The following TEKT5 variants were observed in gnomAD, a reference collection of about 807,000 sequenced individuals.
The protein encoded by TEKT5 is tektin 5, also known as tektin-5.
In TEKT5, 52 loss-of-function variants were observed where a neutral mutation model predicts 48.7. The ratio of observed to expected loss-of-function variants is 1.07; its 90% CI spans 0.86 to 1.35. The LOEUF (loss-of-function observed/expected upper bound fraction) is 1.35. Ranked by LOEUF, TEKT5 falls within the 40% of genes most tolerant of loss-of-function variation. TEKT5 has a pLI of 0.00. For synonymous variants in TEKT5, 318 were observed against 267.6 expected (o/e 1.19, Z -1.84); for missense variants, 831 against 641.6 (o/e 1.30, Z -3.19).
At chr16:10,653,877 C>T (rs1426409695) in intron 5 of TEKT5, among the ~76,000 whole-genome samples, 1 of 152,194 alleles carries the variant, frequency 6.6e-6, no homozygotes, top group Non-Finnish European at 1.5e-5. Flanking sequence ...CGAGCCATTG[C>T]ACTCCAGCCT....
chr16:10,638,513 C>T (rs1403895521), intron 5 of TEKT5, among the ~76,000 whole-genome samples: 4 of 152,218 alleles, frequency 2.6e-5, no homozygotes, highest in African/African-American at 9.7e-5. Context: ...TGATGTCCTG[C>T]CATGATGGCC....
At chr16:10,667,740 T>A (rs1161717140) in intron 5 of TEKT5, among the ~76,000 whole-genome samples, 1 of 152,264 alleles carries the variant, frequency 6.6e-6, no homozygotes, top group Non-Finnish European at 1.5e-5. Context: ...ATATTTTTCT[T>A]CAAATCAGCC....
intron 5 of TEKT5, among the ~76,000 whole-genome samples, chr16:10,663,275 G>T (rs546663914): frequency 2.0e-5 from 3 of 152,240 alleles, no homozygotes. Flanking sequence ...AAAACTATCT[G>T]CCTGTGTCTT....
At chr16:10,671,596 A>G (rs2719698) in intron 5 of TEKT5, 75,144 of 151,714 alleles carry the variant, frequency 0.5, 20,323 homozygotes, top group East Asian at 0.81. Flanking sequence ...CAAATTATCA[A>G]AGACAGAAAG....
At chr16:10,649,253 G>C (rs1267461047) in intron 5 of TEKT5, among the ~76,000 whole-genome samples, 1 of 151,716 alleles carries the variant, frequency 6.6e-6, no homozygotes, top group Admixed American at 6.6e-5. Context: ...TATGTAGCTG[G>C]CATTACAAGT....
chr16:10,694,262 A>G, intron 1 of TEKT5, 48 bp downstream of exon 1: 1 of 1,500,628 alleles, frequency 6.7e-7, no homozygotes, highest in South Asian at 1.3e-5. Flanking sequence ...ATGAGCGTGC[A>G]GTATCCCCAG....
intron 5 of TEKT5, among the ~76,000 whole-genome samples, chr16:10,675,658 G>T (rs73511797): frequency 1.3e-5 from 2 of 152,172 alleles, no homozygotes; most frequent in Non-Finnish European, 2.9e-5. Flanking sequence ...CTGCACTCGC[G>T]CTCGGCCACA....
rs371822884 is a variant in TEKT5 at position 10,640,440 on chromosome 16, AT to A, written c.1087-4523del. Among the ~76,000 whole-genome samples the A allele has an allele frequency of 4.1e-3, 628 of 152,254 alleles. 4 individuals carry two copies. Among genetic ancestry groups the A allele is most frequent in the Non-Finnish European group, 5.0e-3 (338 of 68,018 alleles). On this transcript the variant is annotated intron_variant, in intron 5 of 6. Transcript: ENST00000283025. ...CTGTACGTGACTTTTTAAAAAATAGATTTTTTTAAGCTTTACAGCTTTGTTG... is the reference window on the plus strand; with the variant it reads ...CTGTACGTGACTTTTTAAAAAATAGATTTTTTAAGCTTTACAGCTTTGTTG...
intron 5 of TEKT5, among the ~76,000 whole-genome samples, chr16:10,657,043 T>G (rs2142281764): frequency 6.6e-6 from 1 of 152,236 alleles, no homozygotes; most frequent in South Asian, 2.1e-4. Context: ...CCAGCCTATA[T>G]TTTTGACTTG....
At chr16:10,666,237 G>A (rs999422074) in intron 5 of TEKT5, among the ~76,000 whole-genome samples, 33 of 152,056 alleles carry the variant, frequency 2.2e-4, no homozygotes, top group African/African-American at 6.8e-4. Flanking sequence ...TTATAAGAGG[G>A]CAATTGGCCT....
chr16:10,660,116 G>T (rs868358615), intron 5 of TEKT5, among the ~76,000 whole-genome samples: 5 of 152,186 alleles, frequency 3.3e-5, no homozygotes, highest in Non-Finnish European at 7.3e-5. Context: ...TGAGGTCACA[G>T]CTGGAGAGAG....
chr16:10,659,331 T>G (rs1898319817), intron 5 of TEKT5, among the ~76,000 whole-genome samples: 1 of 152,360 alleles, frequency 6.6e-6, no homozygotes, highest in African/African-American at 2.4e-5. Flanking sequence ...TTTTTAAAAT[T>G]TGAAGATTAA....
intron 4 of TEKT5, among the ~76,000 whole-genome samples, chr16:10,677,426 A>G (rs899492652): frequency 6.8e-6 from 1 of 147,084 alleles, no homozygotes. Context: ...CCTGGCCAAC[A>G]TGGTGAAATC....
At chr16:10,693,128 C>T (rs1567238364) in intron 1 of TEKT5, among the ~76,000 whole-genome samples, 1 of 152,210 alleles carries the variant, frequency 6.6e-6, no homozygotes, top group Non-Finnish European at 1.5e-5. Flanking sequence ...TGGAGTCTTG[C>T]TTTGTGGCAC....
At chr16:10,637,314 G>A (rs1219490367) in intron 5 of TEKT5, among the ~76,000 whole-genome samples, 6 of 150,018 alleles carry the variant, frequency 4.0e-5, no homozygotes, top group African/African-American at 1.5e-4. Context: ...GGGATTACAC[G>A]CATGAGCCAC....
intron 5 of TEKT5, among the ~76,000 whole-genome samples, chr16:10,666,654 T>C (rs1898462551): frequency 6.6e-6 from 1 of 152,222 alleles, no homozygotes; most frequent in Non-Finnish European, 1.5e-5. Context: ...TGCACAGGAA[T>C]GAACAGCAGC....
chr16:10,675,828 C>T lies in TEKT5; in HGVS notation c.1086+131G>A, dbSNP rs1266283340. 25 of 862,108 alleles carry T rather than the reference C, an allele frequency of 2.9e-5. 1 individual carries two copies. The Admixed American group carries it at 5.4e-4, about 19-fold the overall frequency. 53.4% of individuals were successfully genotyped at this position (862,108 alleles called of 1,614,324 possible). A position where few individuals can be genotyped will look rare whatever the true frequency, so the allele number is the denominator to read the frequency against. On this transcript the variant is annotated intron_variant, in intron 5 of 6. Transcript: ENST00000283025. ...GCCCCTTTTAGGAAGAAAAAGACCA[C>T]AGACCTTGGGAGAGAGGGTACTGCT...
intron 1 of TEKT5, chr16:10,690,612 A>G: frequency 2.0e-6 from 2 of 985,420 alleles, no homozygotes; most frequent in Non-Finnish European, 2.4e-6. Context: ...AATATGCATG[A>G]AAACCCCTCT....
At chr16:10,638,488 C>G (rs1399273919) in intron 5 of TEKT5, among the ~76,000 whole-genome samples, 3 of 152,206 alleles carry the variant, frequency 2.0e-5, no homozygotes, top group Non-Finnish European at 4.4e-5. Flanking sequence ...CCTGAGAAGC[C>G]TAGAAATGAG....
Sources: gnomAD v4.1 joint callset for allele counts (sites outside exome capture counted in the v4.1 genomes callset) on GRCh38, gnomAD v4.1.1 for gene constraint, MANE v1.5 for transcripts, NCBI Gene and HGNC (gene_info 2026-07-23, HGNC 2026-07-21) for gene names.